The following CORO2A variants were observed in gnomAD, a reference collection of about 807,000 sequenced individuals.
CORO2A encodes coronin 2A.
CORO2A carries 47 observed loss-of-function variants against 62.4 expected under a neutral mutation model. The observed-to-expected ratio is 0.75, with a 90% confidence interval of 0.60 to 0.96. CORO2A has a LOEUF of 0.96. CORO2A is among the 40% of genes least tolerant of loss of function. The pLI, the probability that CORO2A is intolerant of heterozygous loss-of-function variation, is 0.00. For missense variants in CORO2A, 610 were observed against 684.1 expected, an observed-to-expected ratio of 0.89 and a Z score of 1.21; for synonymous variants, 273 against 268.9, an observed-to-expected ratio of 1.02 and a Z score of -0.15.
chr9:98,152,718 C>T (rs1271686915), intron 2 of CORO2A, among the ~76,000 whole-genome samples: 1 of 151,934 alleles, frequency 6.6e-6, no homozygotes, highest in Non-Finnish European at 1.5e-5. Context: ...AATGATATAC[C>T]ACCACTCATG....
intron 10 of CORO2A, among the ~76,000 whole-genome samples, chr9:98,127,651 A>G (rs1021979384): frequency 2.6e-5 from 4 of 151,946 alleles, no homozygotes; most frequent in African/African-American, 9.7e-5. Flanking sequence ...CATCTCTACT[A>G]AAAATACGAA....
intron 2 of CORO2A, among the ~76,000 whole-genome samples, chr9:98,141,662 C>T (rs1262056331): frequency 6.6e-6 from 1 of 152,146 alleles, no homozygotes; most frequent in Non-Finnish European, 1.5e-5. Context: ...CTGCCAATGA[C>T]CTCTTGCTTA....
At chr9:98,189,268 C>G (rs10985358) in intron 1 of CORO2A, among the ~76,000 whole-genome samples, 1 of 152,028 alleles carries the variant, frequency 6.6e-6, no homozygotes, top group Non-Finnish European at 1.5e-5. Context: ...TACTCCTGGC[C>G]CTTTAGACCA....
chr9:98,163,381 G>C (rs1827912691), intron 1 of CORO2A, among the ~76,000 whole-genome samples: 1 of 152,256 alleles, frequency 6.6e-6, no homozygotes, highest in African/African-American at 2.4e-5. Context: ...GTAGAGACAG[G>C]GTTTTGCCAA....
intron 1 of CORO2A, among the ~76,000 whole-genome samples, chr9:98,183,998 G>A (rs546122939): frequency 6.6e-6 from 1 of 152,144 alleles, no homozygotes; most frequent in East Asian, 1.9e-4. Context: ...TAGTTACATA[G>A]CATTTACATT....
intron 1 of CORO2A, among the ~76,000 whole-genome samples, chr9:98,167,549 G>C (rs1827978563): frequency 6.6e-6 from 1 of 152,202 alleles, no homozygotes; most frequent in Non-Finnish European, 1.5e-5. Context: ...AAAGGGACAA[G>C]GGTCATTACA....
Position 98,133,209 on chromosome 9 carries a change from G to C in CORO2A, c.477C>G (p.Ile159Met). The C allele has an allele frequency of 6.2e-7, 1 of 1,614,196 alleles. No homozygotes were observed. Among genetic ancestry groups the C allele is most frequent in the Non-Finnish European group, 8.5e-7 (1 of 1,180,024 alleles). Residue 159 changes from isoleucine to methionine, a missense_variant, in exon 5 of 12, where the codon ATC (isoleucine) becomes ATG (methionine). Ile to Met is a conservative substitution (Grantham distance 10, BLOSUM62 1). Transcript: ENST00000375077. ...FSAGYDYKVM[I>M]WNLDTKESVI... is the part of the protein sequence containing the mutation. ...CAGACTCCTTTGTATCCAGGTTCCA[G>C]ATCATCACCTGCATGGCAGAGAGCC...
chr9:98,190,464 A>G (rs1196162326), intron 1 of CORO2A, among the ~76,000 whole-genome samples: 1 of 151,910 alleles, frequency 6.6e-6, no homozygotes, highest in Non-Finnish European at 1.5e-5. Flanking sequence ...TTTTTTGGAG[A>G]AAAAAAGGCA....
chr9:98,158,869 T>C (rs1056728880), intron 1 of CORO2A, among the ~76,000 whole-genome samples: 6 of 151,238 alleles, frequency 4.0e-5, no homozygotes, highest in Non-Finnish European at 8.9e-5. Context: ...ACCATGTATA[T>C]TGGGTAACGT....
chr9:98,127,074 A>G (rs934315666), intron 10 of CORO2A: 2 of 563,274 alleles, frequency 3.6e-6, no homozygotes, highest in Non-Finnish European at 3.2e-6. Context: ...GCACTGAAGC[A>G]GCCCCCAAAC....
chr9:98,131,377 G>A (rs1375257239), intron 6 of CORO2A, among the ~76,000 whole-genome samples: 1 of 150,154 alleles, frequency 6.7e-6, no homozygotes, highest in East Asian at 2.0e-4. Context: ...CCAGGCTGGA[G>A]TGCAGTGGTG....
At chr9:98,141,997 G>A (rs578028372) in intron 2 of CORO2A, among the ~76,000 whole-genome samples, 130 of 152,204 alleles carry the variant, frequency 8.5e-4, no homozygotes, top group Admixed American at 2.4e-3. Context: ...CTAGATGGTG[G>A]AATAAATGGC....
chr9:98,158,398 A>C (rs1827836323), intron 1 of CORO2A, among the ~76,000 whole-genome samples: 1 of 152,244 alleles, frequency 6.6e-6, no homozygotes, highest in South Asian at 2.1e-4. Flanking sequence ...CTTGATCAAC[A>C]GTGGCAATCA....
chr9:98,134,746 T>C, intron 4 of CORO2A, 60 bp downstream of exon 4: 1 of 1,506,486 alleles, frequency 6.6e-7, no homozygotes, highest in Non-Finnish European at 8.9e-7. Flanking sequence ...ACATTTCCAT[T>C]GTATTCCAGT....
chr9:98,187,088 G>C (rs1205465339), intron 1 of CORO2A, among the ~76,000 whole-genome samples: 2 of 151,938 alleles, frequency 1.3e-5, no homozygotes, highest in African/African-American at 4.8e-5. Context: ...GGCCATCCTG[G>C]CTAACACTGT....
intron 2 of CORO2A, among the ~76,000 whole-genome samples, chr9:98,141,363 T>G (rs1418615232): frequency 4.0e-5 from 6 of 151,004 alleles, no homozygotes; most frequent in African/African-American, 1.5e-4. Flanking sequence ...TTTTTTTTTT[T>G]TTTTTGGACA....
intron 1 of CORO2A, among the ~76,000 whole-genome samples, chr9:98,186,151 C>A (rs1373690736): frequency 6.6e-6 from 1 of 152,172 alleles, no homozygotes; most frequent in African/African-American, 2.4e-5. Context: ...TGCTCAGCTC[C>A]CGATTTCTTA....
Position 98,140,168 on chromosome 9 carries a change from C to T in CORO2A, c.202-2480G>A, listed in dbSNP as rs79886267. Among the ~76,000 whole-genome samples, 1,040 of 152,262 alleles carry T rather than the reference C, an allele frequency of 6.8e-3. 11 individuals are homozygous for T. Among genetic ancestry groups the T allele is most frequent in the African/African-American group, 0.023 (973 of 41,554 alleles). On this transcript the variant is annotated intron_variant, in intron 2 of 11. Coordinates refer to ENST00000375077, the MANE Select transcript of CORO2A (RefSeq NM_052820.4). ...TTCTTGAGCCACCCACCAGAATGCT[C>T]CCCCAGCCATTTTTATATCTAAGTG...
chr9:98,129,874 C>A lies in CORO2A; in HGVS notation c.887G>T (p.Arg296Leu). ...CTTGTCGGCGCTCACCTCGTAGTAG[C>A]GGATGTTGCCATCTCCCTGAGGAGG... ...YVVGKGDGNI[R>L]YYEVSADKPH... The change falls in exon 8 of 12, where the codon CGC (arginine) becomes CTC (leucine). Residue 296 changes from arginine to leucine, a missense_variant. Coordinates refer to ENST00000375077, the MANE Select transcript of CORO2A (RefSeq NM_052820.4). The A allele has an allele frequency of 6.2e-7, 1 of 1,613,766 alleles. No individual in the cohort carries two copies. The highest frequency in any genetic ancestry group is 1.1e-5 in the South Asian group (1 of 91,082).
Sources: gnomAD v4.1 joint callset for allele counts (sites outside exome capture counted in the v4.1 genomes callset) on GRCh38, gnomAD v4.1.1 for gene constraint, MANE v1.5 for transcripts, NCBI Gene and HGNC (gene_info 2026-07-23, HGNC 2026-07-21) for gene names.